FNBP4: variants seen among roughly 807,000 people sequenced by gnomAD.
FNBP4 encodes the protein formin-binding protein 4.
FNBP4 carries 34 observed loss-of-function variants against 119.3 expected under a neutral mutation model. The observed-to-expected ratio is 0.28, with a 90% CI of 0.22 to 0.38. FNBP4 has a LOEUF of 0.38. Ranked by LOEUF, FNBP4 falls within the 10% of genes least tolerant of loss-of-function variation. The pLI is 1.00. For synonymous variants in FNBP4, 462 were observed against 430.6 expected (o/e 1.07, Z -0.90); for missense variants, 1,112 against 1,228.9 (o/e 0.90, Z 1.42).
chr11:47,734,151 A>C (rs1422856387), intron 9 of FNBP4, 22 bp from the exon 10 acceptor site: 1 of 1,341,054 alleles, frequency 7.5e-7, no homozygotes, highest in Admixed American at 2.3e-5. Flanking sequence ...AAAAGAAAAA[A>C]AGTAAAACTA....
intron 2 of FNBP4, among the ~76,000 whole-genome samples, chr11:47,755,797 A>G (rs1270589761): frequency 1.3e-5 from 2 of 151,246 alleles, no homozygotes; most frequent in East Asian, 3.9e-4. Flanking sequence ...CATGTCTCCA[A>G]AAAAAAAACA....
chr11:47,757,776 G>A (rs909450436), intron 2 of FNBP4, among the ~76,000 whole-genome samples: 1 of 152,194 alleles, frequency 6.6e-6, no homozygotes, highest in African/African-American at 2.4e-5. Flanking sequence ...CTACAGGCAT[G>A]AGCCACCACA....
At chr11:47,760,162 TA>T (rs992750264) in intron 2 of FNBP4, among the ~76,000 whole-genome samples, 3 of 152,008 alleles carry the variant, frequency 2.0e-5, no homozygotes, top group Non-Finnish European at 4.4e-5. Context: ...AAACTTCTTC[TA>T]AACTCCTAAA....
chr11:47,746,004 G>T, intron 7 of FNBP4, 52 bp downstream of exon 7: 1 of 1,409,346 alleles, frequency 7.1e-7, no homozygotes, highest in Non-Finnish European at 9.7e-7. Flanking sequence ...AATGATCCCT[G>T]TAGAGTAGTA....
At chr11:47,751,963 G>A (rs1394947495) in intron 4 of FNBP4, among the ~76,000 whole-genome samples, 1 of 151,622 alleles carries the variant, frequency 6.6e-6, no homozygotes. Flanking sequence ...TTAGTAAATA[G>A]AAAAAAGCAG....
rs767132855 is a variant in FNBP4, at chr11:47,767,210, G to C, written c.79C>G (p.Pro27Ala). 6.4e-6 allele frequency: 10 copies of C among 1,566,684 alleles called. No homozygotes were observed. Among genetic ancestry groups the C allele is most frequent in the South Asian group, 2.3e-5 (2 of 85,500 alleles). ...GGTTCCGGCTCCGGGTCCCGGCCCGGCGTGCTGCCCCGAGGACCCGGCGGA... is the reference window on the plus strand; with the variant it reads ...GGTTCCGGCTCCGGGTCCCGGCCCGCCGTGCTGCCCCGAGGACCCGGCGGA... ...LSPPGPRGST[P>A]GRDPEPEPDT... Residue 27 changes from proline to alanine, a missense_variant, in exon 1 of 17, where the codon CCG becomes GCG. Physicochemically the swap from Pro to Ala is conservative, Grantham distance 27. Coordinates refer to ENST00000263773, the MANE Select transcript of FNBP4 (RefSeq NM_015308.5).
chr11:47,754,586 T>G lies in FNBP4; in HGVS notation c.392A>C (p.Lys131Thr). The G allele has an allele frequency of 1.9e-6, 3 of 1,614,180 alleles. No homozygotes were observed. Among genetic ancestry groups the G allele is most frequent in the Non-Finnish European group, 2.5e-6 (3 of 1,180,038 alleles). The change falls in exon 3 of 17, where the codon AAA (lysine) becomes ACA (threonine). Residue 131 changes from lysine (K) to threonine (T), a missense_variant. Lys to Thr is a moderately conservative substitution (Grantham distance 78). Around this residue, in one of 2 missense-constraint regions of FNBP4, gnomAD observed 286 missense variants for 240.1 expected, o/e 1.19. Transcript: ENST00000263773. ...AGTTGACTGGTTTCCATTTGTCTCT[T>G]TGGATTGTGCTAGTTTTTCGGAAAC... ...NDVSEKLAQS[K>T]ETNGNQSTDI...
chr11:47,730,248 A>G (rs2097565858), intron 12 of FNBP4: 2 of 984,672 alleles, frequency 2.0e-6, no homozygotes, highest in Non-Finnish European at 1.2e-6. Flanking sequence ...ACTGCTACCA[A>G]AAGAGAGGAA....
intron 12 of FNBP4, chr11:47,729,300 G>A: frequency 1.0e-6 from 1 of 985,306 alleles, no homozygotes; most frequent in Non-Finnish European, 1.2e-6. Flanking sequence ...AAAAGAAAAA[G>A]GAGCTCAACT....
At chr11:47,742,286 C>T (rs1390798817) in intron 8 of FNBP4, among the ~76,000 whole-genome samples, 1 of 151,636 alleles carries the variant, frequency 6.6e-6, no homozygotes, top group East Asian at 1.9e-4. Context: ...TGAGACCAGC[C>T]TGGCCAACAT....
Position 47,750,998 on chromosome 11 carries a change from G to A in FNBP4, c.824C>T (p.Thr275Ile). The A allele has an allele frequency of 6.2e-7, 1 of 1,613,950 alleles. No individual in the cohort carries two copies. The highest frequency in any genetic ancestry group is 1.3e-5 in the African/African-American group (1 of 75,006). The change falls in exon 6 of 17, where the codon ACA becomes ATA. Residue 275 changes from threonine (T) to isoleucine (I), a missense_variant. Thr to Ile is a moderately conservative substitution (Grantham distance 89). This residue lies in a region of FNBP4 where 826 missense variants were observed against 988.8 expected (regional missense o/e 0.84). Transcript: ENST00000263773. ...PGAETSFVVNTDIYSKEKTIS... is the reference protein window; with the variant it reads ...PGAETSFVVNIDIYSKEKTIS... ...CGTTTTCTCCTTAGAATATATGTCT[G>A]TATTTACCACAAAACTAGTTTCAGC...
At chr11:47,746,751 T>C (rs1477738576) in intron 6 of FNBP4, among the ~76,000 whole-genome samples, 1 of 152,090 alleles carries the variant, frequency 6.6e-6, no homozygotes, top group East Asian at 1.9e-4. Context: ...GACCTTGTGA[T>C]TTGCCCACCT....
chr11:47,722,503 G>T (rs2097556987), intron 15 of FNBP4, among the ~76,000 whole-genome samples: 1 of 152,026 alleles, frequency 6.6e-6, no homozygotes, highest in Non-Finnish European at 1.5e-5. Context: ...AGGTATGGGG[G>T]CCCAAGCTGA....
At chr11:47,724,937 C>G in intron 12 of FNBP4, 159 bp from the exon 13 acceptor site, 1 of 1,128,396 alleles carries the variant, frequency 8.9e-7, no homozygotes, top group Non-Finnish European at 1.2e-6. Flanking sequence ...GGGAATGGCT[C>G]CTTCCTTGAA....
rs1554991236 is a variant in FNBP4, at chr11:47,765,376, A to AAAAGAAAAG, written c.221-15_221-14insCTTTTCTTT. 8 of 973,914 alleles carry AAAAGAAAAG rather than the reference A, an allele frequency of 8.2e-6. No homozygotes were observed. In the African/African-American group the frequency reaches 1.7e-4, roughly 20 times the overall value. 60.3% of individuals were successfully genotyped at this position (973,914 alleles called of 1,614,324 possible). A position where few individuals can be genotyped will look rare whatever the true frequency, so the allele number is the denominator to read the frequency against. On this transcript the variant is annotated splice_polypyrimidine_tract_variant and intron_variant, in intron 1 of 16. Transcript: ENST00000263773. ...CTTCCTGTTCATCTGGATTAAAAAA[A>AAAAGAAAAG]AAGAAAAGAAAAGAAAAGAAAAGAA...
chr11:47,756,960 T>C (rs1599253499), intron 2 of FNBP4, among the ~76,000 whole-genome samples: 1 of 152,104 alleles, frequency 6.6e-6, no homozygotes. Context: ...GACATTCGGG[T>C]TGGTTCCAAG....
intron 12 of FNBP4, among the ~76,000 whole-genome samples, chr11:47,728,846 G>A (rs945791819): frequency 2.1e-4 from 17 of 81,450 alleles, no homozygotes; most frequent in Admixed American, 7.4e-4. Flanking sequence ...TTCTGTAGGC[G>A]TCTTTTTTTT....
At chr11:47,738,910 G>T (rs1259765367) in intron 8 of FNBP4, among the ~76,000 whole-genome samples, 2 of 134,216 alleles carry the variant, frequency 1.5e-5, no homozygotes, top group Non-Finnish European at 1.6e-5. Flanking sequence ...TTGCCATGTT[G>T]GCCTGGCTGG....
intron 5 of FNBP4, 39 bp downstream of exon 5, chr11:47,751,104 T>C (rs745782510): frequency 5.1e-5 from 82 of 1,613,070 alleles, no homozygotes; most frequent in Non-Finnish European, 6.6e-5. Context: ...AAGGCTTCAA[T>C]TTCCTTCTAG....
Sources: gnomAD v4.1 joint callset for allele counts (sites outside exome capture counted in the v4.1 genomes callset) on GRCh38, gnomAD v4.1.1 for gene constraint, gnomAD v4.1.1 regional missense constraint, MANE v1.5 for transcripts, NCBI Gene and HGNC (gene_info 2026-07-23, HGNC 2026-07-21) for gene names.